Variants in GMPS observed in about 807,000 individuals in gnomAD.
GMPS encodes the protein GMP synthase [glutamine-hydrolyzing].
A neutral mutation model predicts 77.9 loss-of-function variants in GMPS; 15 were observed. The ratio of observed to expected loss-of-function variants is 0.19; its 90% confidence interval spans 0.13 to 0.30. The LOEUF is 0.30. Ranked by LOEUF, GMPS falls within the 10% of genes least tolerant of loss-of-function variation. The pLI, the probability that GMPS is intolerant of heterozygous loss-of-function variation, is 1.00. For missense variants in GMPS, 590 were observed against 838.8 expected (o/e 0.70, Z 3.66); for synonymous variants, 224 against 275.9 (o/e 0.81, Z 1.86).
chr3:155,873,638 C>CTTTTTTTTTTTTTTTTTTTTTTTTT (rs58365650), intron 1 of GMPS, among the ~76,000 whole-genome samples: 2 of 82,574 alleles, frequency 2.4e-5, no homozygotes, highest in Admixed American at 1.8e-4. Context: ...TGAGTAAGTT[C>CTTTTTTTTTTTTTTTTTTTTTTTTT]TTTTTTTTTT....
chr3:155,919,716 G>A (rs1037166019), intron 10 of GMPS, among the ~76,000 whole-genome samples: 7 of 152,138 alleles, frequency 4.6e-5, no homozygotes, highest in Non-Finnish European at 8.8e-5. Flanking sequence ...AAGATGTGAG[G>A]ATTTAAATTT....
At chr3:155,916,219 A>C (rs1351297679) in intron 9 of GMPS, 27 bp downstream of exon 9, 2 of 1,460,334 alleles carry the variant, frequency 1.4e-6, no homozygotes, top group Non-Finnish European at 1.9e-6. Context: ...ACTTTTTCAT[A>C]AAGTAGATAC....
chr3:155,885,685 G>A (rs983140556), intron 1 of GMPS, among the ~76,000 whole-genome samples: 3 of 152,156 alleles, frequency 2.0e-5, no homozygotes, highest in Non-Finnish European at 4.4e-5. Flanking sequence ...TATACTTACT[G>A]TTTGAGTGCC....
chr3:155,910,978 A>G, intron 6 of GMPS, 93 bp downstream of exon 6: 1 of 1,084,770 alleles, frequency 9.2e-7, no homozygotes, highest in Non-Finnish European at 1.3e-6. Flanking sequence ...TAAATGTTCT[A>G]CAGTTTTAGA....
At chr3:155,870,474 G>A (rs1560031522), upstream of GMPS, 2 of 198,942 alleles carry the variant, frequency 1.0e-5, no homozygotes, top group East Asian at 8.5e-5. Context: ...GGGAGACCCG[G>A]CCGGCTTTGC....
rs1010288226 is a variant in GMPS, at chr3:155,939,308, A to G, written c.*1616A>G. On this transcript the variant is annotated 3_prime_UTR_variant, in exon 16 of 16. Coordinates refer to ENST00000496455, the MANE Select transcript of GMPS (RefSeq NM_003875.3). ...ATTTGAAAGCTAGAATAGACAACCT[A>G]TAAAATGCTTACCAACATGTGTCAG... The G allele has an allele frequency of 3.7e-5, 8 of 215,414 alleles. No individual in the cohort carries two copies. The highest frequency in any genetic ancestry group is 1.1e-4 in the African/African-American group (5 of 44,372). 13.3% of individuals were successfully genotyped at this position (215,414 alleles called of 1,614,324 possible).
chr3:155,911,057 GT>G, intron 6 of GMPS, 56 bp from the exon 7 acceptor site: 1 of 1,380,116 alleles, frequency 7.2e-7, no homozygotes. Flanking sequence ...TAAGCCAATA[GT>G]GTTTATTTTC....
At chr3:155,893,853 G>T (rs1170199446) in intron 2 of GMPS, among the ~76,000 whole-genome samples, 154 bp downstream of exon 2, 1 of 152,148 alleles carries the variant, frequency 6.6e-6, no homozygotes, top group African/African-American at 2.4e-5. Context: ...GGGAGAAAAA[G>T]GAAAAATTTA....
chr3:155,916,100 A>G lies in GMPS; in HGVS notation c.1120A>G (p.Ile374Val), dbSNP rs775732382. 9 of 1,613,228 alleles carry G rather than the reference A, an allele frequency of 5.6e-6. No individual in the cohort carries two copies. The highest frequency in any genetic ancestry group is 7.6e-6 in the Non-Finnish European group (9 of 1,179,178). The change falls in exon 9 of 16, where the codon ATT becomes GTT. Residue 374 changes from isoleucine to valine, a missense_variant. Transcript: ENST00000496455. The part of the protein sequence containing the change: ...LAQGTLRPDL[I>V]ESASLVASGK... ...CCAAGGTACTTTACGGCCTGATCTA[A>G]TTGAAAGTGCATCCCTTGTTGCAAG...
intron 3 of GMPS, among the ~76,000 whole-genome samples, chr3:155,898,360 G>A (rs775609980): frequency 1.1e-4 from 16 of 152,190 alleles, no homozygotes; most frequent in Non-Finnish European, 2.1e-4. Context: ...TACTCCAGTT[G>A]TTGACATTTT....
At chr3:155,892,105 A>G (rs1754486479) in intron 1 of GMPS, among the ~76,000 whole-genome samples, 1 of 152,220 alleles carries the variant, frequency 6.6e-6, no homozygotes. Context: ...AACATTTAGG[A>G]CATATTGAAG....
rs976809869 is a variant in GMPS at position 155,919,651 on chromosome 3, T to A, written c.1318+313T>A. Among the ~76,000 whole-genome samples, 8 of 152,306 alleles carry A rather than the reference T, an allele frequency of 5.3e-5. No individual in the cohort carries two copies. The East Asian group carries it at 1.5e-3, about 29-fold the overall frequency. On this transcript the variant is annotated intron_variant, in intron 10 of 15. Coordinates refer to ENST00000496455, the MANE Select transcript of GMPS (RefSeq NM_003875.3). ...TAATAATATTGCCACACAGTCCTAG[T>A]AGTAGAGCTAGGATTTGTTATATTA...
intron 13 of GMPS, among the ~76,000 whole-genome samples, chr3:155,932,660 C>G (rs1755655544): frequency 6.6e-6 from 1 of 152,108 alleles, no homozygotes; most frequent in South Asian, 2.1e-4. Context: ...GGGTGTTAGG[C>G]AGTTAACAAC....
intron 5 of GMPS, among the ~76,000 whole-genome samples, chr3:155,910,117 A>G (rs7625201): frequency 0.88 from 133,881 of 151,796 alleles, 59,294 homozygotes; most frequent in African/African-American, 0.91. Flanking sequence ...GTGGTGGCAC[A>G]CACCTGTTGT....
Position 155,910,713 on chromosome 3 carries a change from A to G in GMPS, c.548A>G (p.Lys183Arg), listed in dbSNP as rs1194611380. Reference sequence around the variant, plus strand: ...AAAGGCATAGCAAATGAATCTAAAAAGTTATATGGAGCACAGTTCCACCCT... The same window carrying G: ...AAAGGCATAGCAAATGAATCTAAAAGGTTATATGGAGCACAGTTCCACCCT... ...IVAGIANESKKLYGAQFHPEV... is the reference protein window; with the variant it reads ...IVAGIANESKRLYGAQFHPEV... The change falls in exon 6 of 16, where the codon AAG becomes AGG. Residue 183 changes from lysine (K) to arginine (R), a missense_variant. Lys to Arg is a conservative substitution (Grantham distance 26). This residue lies in a region of GMPS where 136 missense variants were observed against 225.6 expected (regional missense o/e 0.60). Coordinates refer to ENST00000496455, the MANE Select transcript of GMPS (RefSeq NM_003875.3). 6.4e-7 allele frequency: 1 copy of G among 1,571,144 alleles called. No individual in the cohort carries two copies. The highest frequency in any genetic ancestry group is 8.6e-7 in the Non-Finnish European group (1 of 1,162,484).
chr3:155,936,936 T>A (rs1755779995), intron 15 of GMPS, among the ~76,000 whole-genome samples: 1 of 152,210 alleles, frequency 6.6e-6, no homozygotes, highest in Non-Finnish European at 1.5e-5. Context: ...TTCTTTGTCT[T>A]CACCAGAACA....
intron 1 of GMPS, among the ~76,000 whole-genome samples, chr3:155,876,415 G>T (rs1477930521): frequency 6.6e-6 from 1 of 152,222 alleles, no homozygotes; most frequent in Non-Finnish European, 1.5e-5. Context: ...CATTCAGACT[G>T]AACGAGAAGT....
At chr3:155,875,214 G>A (rs1248716707) in intron 1 of GMPS, among the ~76,000 whole-genome samples, 1 of 151,410 alleles carries the variant, frequency 6.6e-6, no homozygotes, top group Non-Finnish European at 1.5e-5. Context: ...CACTGTGCCT[G>A]GCCTTAAATC....
At chr3:155,907,584 C>T (rs1042295173) in intron 5 of GMPS, among the ~76,000 whole-genome samples, 1 of 152,100 alleles carries the variant, frequency 6.6e-6, no homozygotes, top group Non-Finnish European at 1.5e-5. Flanking sequence ...GCAAGACCCT[C>T]TCTCCTAAGA....
Sources: allele counts gnomAD v4.1 joint callset (sites outside exome capture counted in the v4.1 genomes callset), GRCh38; gene constraint gnomAD v4.1.1; regional missense constraint gnomAD v4.1.1; transcripts MANE v1.5; gene names NCBI Gene and HGNC (gene_info 2026-07-23, HGNC 2026-07-21).